DLGAP2: variants seen among roughly 807,000 people sequenced by gnomAD.
DLGAP2 encodes the protein disks large-associated protein 2.
A neutral mutation model predicts 100.3 loss-of-function variants in DLGAP2; 26 were observed. That is an observed-to-expected ratio of 0.26 (90% confidence interval 0.19 to 0.36). DLGAP2 has a LOEUF of 0.36. DLGAP2 is among the 10% of genes least tolerant of loss of function. The pLI, the probability that DLGAP2 is intolerant of heterozygous loss-of-function variation, is 1.00. For missense variants in DLGAP2, 1,858 were observed against 1,453.2 expected (o/e 1.28, Z -4.53); for synonymous variants, 886 against 630.1 (o/e 1.41, Z -6.08).
intron 6 of DLGAP2, chr8:1,604,472 T>C (rs1796729002): frequency 6.6e-6 from 1 of 151,072 alleles, no homozygotes; most frequent in African/African-American, 2.5e-5. Context: ...AAAATTTGGA[T>C]TTGGGGCTGA....
intron 2 of DLGAP2, among the ~76,000 whole-genome samples, chr8:1,145,271 A>T (rs1796586965): frequency 6.6e-6 from 1 of 151,886 alleles, no homozygotes; most frequent in Admixed American, 6.6e-5. Context: ...CACAACTCCC[A>T]CCCACCCACC....
intron 2 of DLGAP2, among the ~76,000 whole-genome samples, chr8:1,028,371 T>C (rs1584991669): frequency 1.5e-5 from 2 of 132,964 alleles, no homozygotes; most frequent in African/African-American, 2.9e-5. Flanking sequence ...AGGTGGGGTG[T>C]CAGGCACCCG....
At chr8:1,135,281 TC>T (rs2129049676) in intron 2 of DLGAP2, among the ~76,000 whole-genome samples, 1 of 152,274 alleles carries the variant, frequency 6.6e-6, no homozygotes, top group African/African-American at 2.4e-5. Flanking sequence ...AAAACCTTTG[TC>T]CCCAAATCCA....
intron 5 of DLGAP2, among the ~76,000 whole-genome samples, chr8:1,552,166 G>C (rs1359030540): frequency 6.6e-6 from 1 of 152,196 alleles, no homozygotes; most frequent in Non-Finnish European, 1.5e-5. Flanking sequence ...CGTCCACTCA[G>C]ATGACACATC....
At chr8:1,229,584 C>T (rs1381516510) in intron 2 of DLGAP2, among the ~76,000 whole-genome samples, 1 of 151,990 alleles carries the variant, frequency 6.6e-6, no homozygotes, top group Admixed American at 6.6e-5. Context: ...TTTGTCATTT[C>T]TGATTGTGCT....
intron 2 of DLGAP2, among the ~76,000 whole-genome samples, chr8:1,200,753 T>TA (rs1797853173): frequency 6.6e-6 from 1 of 151,540 alleles, no homozygotes; most frequent in Admixed American, 6.6e-5. Flanking sequence ...TACAGAGCTG[T>TA]AATAACACGG....
chr8:1,600,692 G>A (rs1002976685), intron 6 of DLGAP2, among the ~76,000 whole-genome samples: 3 of 152,142 alleles, frequency 2.0e-5, no homozygotes, highest in South Asian at 2.1e-4. Context: ...TATGCTTCAC[G>A]AAGTTCTCAT....
intron 2 of DLGAP2, among the ~76,000 whole-genome samples, chr8:1,150,361 C>A (rs985014814): frequency 6.6e-6 from 1 of 152,158 alleles, no homozygotes; most frequent in Non-Finnish European, 1.5e-5. Context: ...TTAAATCTTA[C>A]GTTTCTTTGG....
At chr8:914,448 A>G (rs755774514) in intron 2 of DLGAP2, among the ~76,000 whole-genome samples, 2 of 152,238 alleles carry the variant, frequency 1.3e-5, no homozygotes, top group Admixed American at 6.5e-5. Context: ...TCCTGCTAGA[A>G]CAAGGGGGTG....
intron 4 of DLGAP2, among the ~76,000 whole-genome samples, chr8:1,501,704 C>T (rs1167139132): frequency 6.6e-6 from 1 of 152,218 alleles, no homozygotes; most frequent in African/African-American, 2.4e-5. Context: ...TGAAGGACCC[C>T]TCCTTCCCTT....
At chr8:982,253 T>G (rs1403544288) in intron 2 of DLGAP2, among the ~76,000 whole-genome samples, 1 of 152,226 alleles carries the variant, frequency 6.6e-6, no homozygotes, top group African/African-American at 2.4e-5. Context: ...GCAAGACCCG[T>G]TAATGGATGA....
At chr8:797,135 A>G (rs1481802139) in intron 1 of DLGAP2, among the ~76,000 whole-genome samples, 3 of 152,220 alleles carry the variant, frequency 2.0e-5, no homozygotes, top group East Asian at 1.9e-4. Flanking sequence ...AGTTTTGACA[A>G]TTGAACACGA....
At chr8:952,564 G>C (rs913829661) in intron 2 of DLGAP2, among the ~76,000 whole-genome samples, 3 of 152,106 alleles carry the variant, frequency 2.0e-5, no homozygotes, top group Non-Finnish European at 4.4e-5. Context: ...TTGAGCCAGG[G>C]AGATGGAAGC....
intron 4 of DLGAP2, among the ~76,000 whole-genome samples, chr8:1,536,953 C>T (rs1801172486): frequency 6.6e-6 from 1 of 152,070 alleles, no homozygotes; most frequent in Non-Finnish European, 1.5e-5. Flanking sequence ...GGATGTTTAC[C>T]TCTGTTGGCT....
At chr8:1,680,957 T>C (rs190753377) in intron 12 of DLGAP2, 16 of 152,282 alleles carry the variant, frequency 1.1e-4, no homozygotes, top group African/African-American at 3.9e-4. Flanking sequence ...TGAGAGCAGG[T>C]GATGAGACCT....
chr8:1,267,402 C>A (rs1279501030), intron 3 of DLGAP2, among the ~76,000 whole-genome samples: 1 of 150,274 alleles, frequency 6.7e-6, no homozygotes, highest in Non-Finnish European at 1.5e-5. Context: ...CCCATCTCTA[C>A]TGAAAATACA....
intron 2 of DLGAP2, among the ~76,000 whole-genome samples, chr8:1,251,531 G>A (rs2116881622): frequency 6.6e-6 from 1 of 152,288 alleles, no homozygotes; most frequent in African/African-American, 2.4e-5. Flanking sequence ...CAAATTCCCA[G>A]GCCTTGGTGA....
At chr8:954,278 T>A (rs1240260442) in intron 2 of DLGAP2, among the ~76,000 whole-genome samples, 1 of 152,212 alleles carries the variant, frequency 6.6e-6, no homozygotes, top group African/African-American at 2.4e-5. Flanking sequence ...ATAGTCACCA[T>A]GTTGTACAAT....
intron 3 of DLGAP2, among the ~76,000 whole-genome samples, chr8:1,344,578 T>C (rs1373386166): frequency 6.6e-6 from 1 of 152,200 alleles, no homozygotes; most frequent in African/African-American, 2.4e-5. Context: ...GAGTAATTCC[T>C]ATGATAGACT....
Sources: allele counts gnomAD v4.1 joint callset (sites outside exome capture counted in the v4.1 genomes callset), GRCh38; gene constraint gnomAD v4.1.1; transcripts MANE v1.5; gene names NCBI Gene and HGNC (gene_info 2026-07-23, HGNC 2026-07-21).